Variants in STAU1 observed in about 807,000 individuals in gnomAD.
The protein encoded by STAU1 is staufen double-stranded RNA binding protein 1, also known as double-stranded RNA-binding protein Staufen homolog 1.
In STAU1, 13 loss-of-function variants were observed where a neutral mutation model predicts 62.9. The ratio of observed to expected loss-of-function variants is 0.21; its 90% CI spans 0.13 to 0.33. STAU1 has a LOEUF of 0.33. Ranked by LOEUF, STAU1 falls within the 10% of genes least tolerant of loss-of-function variation. STAU1 has a pLI of 1.00. For missense variants in STAU1, 571 were observed against 712.1 expected (o/e 0.80, Z 2.25); for synonymous variants, 269 against 265.1 (o/e 1.01, Z -0.14).
At chr20:49,119,684 AATT>A (rs2092418266) in intron 9 of STAU1, among the ~76,000 whole-genome samples, 1 of 152,166 alleles carries the variant, frequency 6.6e-6, no homozygotes, top group South Asian at 2.1e-4. Context: ...TTTCAGTCCT[AATT>A]ACCCTTCATC....
intron 7 of STAU1, 93 bp downstream of exon 7, chr20:49,124,281 TC>T: frequency 7.5e-7 from 1 of 1,338,254 alleles, no homozygotes; most frequent in Non-Finnish European, 1.0e-6. Flanking sequence ...GTTGGTCTCA[TC>T]CCCTTTCACC....
intron 2 of STAU1, among the ~76,000 whole-genome samples, chr20:49,169,300 C>G (rs1359771994): frequency 1.3e-5 from 2 of 152,046 alleles, no homozygotes; most frequent in Non-Finnish European, 2.9e-5. Context: ...CAAAGAGAAG[C>G]CGGAACAGAC....
upstream of STAU1, among the ~76,000 whole-genome samples, chr20:49,190,045 C>T (rs2093828547): frequency 2.0e-5 from 3 of 152,258 alleles, no homozygotes; most frequent in Middle Eastern, 3.4e-3. Context: ...CAGTAGTAAG[C>T]AACATTCAGA....
intron 4 of STAU1, among the ~76,000 whole-genome samples, chr20:49,152,857 A>C (rs1240349973): frequency 6.6e-6 from 1 of 152,194 alleles, no homozygotes; most frequent in Non-Finnish European, 1.5e-5. Flanking sequence ...CAGTTACACA[A>C]AGCAGTTACA....
chr20:49,178,862 A>T (rs1294319068), intron 1 of STAU1, among the ~76,000 whole-genome samples: 3 of 149,582 alleles, frequency 2.0e-5, no homozygotes, highest in South Asian at 2.1e-4. Flanking sequence ...TCACAAGGTC[A>T]GGAGATCAAA....
chr20:49,188,602 G>A (rs894180681), upstream of STAU1, among the ~76,000 whole-genome samples: 16 of 152,352 alleles, frequency 1.1e-4, no homozygotes, highest in East Asian at 2.7e-3. Context: ...GGAGTTTCGC[G>A]CTGCCTGCTG....
At chr20:49,162,832 C>A (rs1054314870) in intron 3 of STAU1, among the ~76,000 whole-genome samples, 9 of 150,338 alleles carry the variant, frequency 6.0e-5, no homozygotes, top group Admixed American at 4.0e-4. Flanking sequence ...AAGGAGGAAA[C>A]TGAAAGGAAA....
chr20:49,145,703 C>T (rs2093116031), intron 5 of STAU1, among the ~76,000 whole-genome samples: 2 of 151,620 alleles, frequency 1.3e-5, no homozygotes, highest in Admixed American at 1.3e-4. Flanking sequence ...GCACTGCAGC[C>T]TGGCAACAGA....
intron 6 of STAU1, among the ~76,000 whole-genome samples, chr20:49,127,232 T>C (rs1315294657): frequency 6.6e-6 from 1 of 152,064 alleles, no homozygotes; most frequent in African/African-American, 2.4e-5. Flanking sequence ...CGGGCACCTG[T>C]AATCCCAGCT....
the STAU1 span, among the ~76,000 whole-genome samples, chr20:49,212,867 G>A: frequency 6.6e-6 from 1 of 151,990 alleles, no homozygotes; most frequent in African/African-American, 2.4e-5. Flanking sequence ...CAAAGTGCTG[G>A]GATTAAAGGC....
intron 3 of STAU1, among the ~76,000 whole-genome samples, chr20:49,155,274 T>C (rs1279679011): frequency 6.6e-6 from 1 of 152,204 alleles, no homozygotes; most frequent in Non-Finnish European, 1.5e-5. Flanking sequence ...ATTCTTGACA[T>C]TTCTAATGAA....
upstream of STAU1, among the ~76,000 whole-genome samples, chr20:49,189,808 C>T (rs114804714): frequency 1.2e-3 from 180 of 152,114 alleles, no homozygotes; most frequent in African/African-American, 4.2e-3. Flanking sequence ...TCTTAAATGT[C>T]TCTCAATCTA....
Position 49,140,555 on chromosome 20 carries a change from T to TA in STAU1, c.511-4625dup, listed in dbSNP as rs773979587. On this transcript the variant is annotated intron_variant, in intron 5 of 13. Coordinates refer to ENST00000371856, the MANE Select transcript of STAU1 (RefSeq NM_017453.4). ...ACAGTAAGTAACATAAGCCACACAT[T>TA]AAAAAAAAAATCCATTTTTATGAAG... 6.7e-3 allele frequency among the ~76,000 whole-genome samples: 1,000 copies of TA among 149,286 alleles called. 7 individuals carry two copies. Among genetic ancestry groups the TA allele is most frequent in the Middle Eastern group, 0.01 (3 of 292 alleles).
the STAU1 span, chr20:49,210,603 G>T: frequency 9.3e-6 from 4 of 430,098 alleles, no homozygotes; most frequent in South Asian, 6.6e-5. Context: ...TTACATAGCA[G>T]AAAAAGGACT....
At position 49,121,188 on chromosome 20, in the gene STAU1, C is replaced by G. The variant is rs538598901; in HGVS notation, c.967-1060G>C. 3.3e-5 allele frequency among the ~76,000 whole-genome samples: 5 copies of G among 152,172 alleles called. No homozygotes were observed. In the South Asian group the frequency reaches 1.0e-3, roughly 32 times the overall value. On this transcript the variant is annotated intron_variant, in intron 8 of 13. Coordinates refer to ENST00000371856, the MANE Select transcript of STAU1 (RefSeq NM_017453.4). ...TTGGGAGGCTGAGGTGGGTGGATCA[C>G]CTGAGGTCAGGAGTTCGAGACCAGT...
chr20:49,219,249 C>T, the STAU1 span: 1 of 1,196,034 alleles, frequency 8.4e-7, no homozygotes, highest in Non-Finnish European at 1.2e-6. Flanking sequence ...AAAAGCTCCG[C>T]CCCTTGATGG....
At chr20:49,212,602 G>A in the STAU1 span, among the ~76,000 whole-genome samples, 5 of 81,004 alleles carry the variant, frequency 6.2e-5, no homozygotes, top group Non-Finnish European at 1.3e-4. Flanking sequence ...CCTTAAAAAC[G>A]GAAGCTATTG....
intron 2 of STAU1, among the ~76,000 whole-genome samples, chr20:49,170,690 T>C (rs574212134): frequency 6.6e-6 from 1 of 151,824 alleles, no homozygotes; most frequent in South Asian, 2.1e-4. Flanking sequence ...TTAAACCGGA[T>C]TAACACAACT....
chr20:49,153,710 C>CAAAAAAAAAAAAAAAAAAAAAAAAAAAAA (rs145558067), intron 4 of STAU1, among the ~76,000 whole-genome samples: 5 of 67,610 alleles, frequency 7.4e-5, no homozygotes, highest in African/African-American at 3.1e-4. Flanking sequence ...GACTCTGTCT[C>CAAAAAAAAAAAAAAAAAAAAAAAAAAAAA]AAAAAAAAAA....
Sources: allele counts gnomAD v4.1 joint callset (sites outside exome capture counted in the v4.1 genomes callset), GRCh38; gene constraint gnomAD v4.1.1; transcripts MANE v1.5; gene names NCBI Gene and HGNC (gene_info 2026-07-23, HGNC 2026-07-21).